Variants in CHPT1 observed in about 807,000 individuals in gnomAD.
CHPT1 encodes the protein choline phosphotransferase 1.
In CHPT1, 36 loss-of-function variants were observed where a neutral mutation model predicts 47.6. The ratio of observed to expected loss-of-function variants is 0.76; its 90% CI spans 0.58 to 1.00. CHPT1 has a LOEUF of 1.00. CHPT1 is among the 50% of genes least tolerant of loss of function. The probability of loss-of-function intolerance (pLI) is 0.00; values close to 1 mark genes in which losing one functional copy is unlikely to be tolerated. For synonymous variants in CHPT1, 194 were observed against 186.3 expected (o/e 1.04, Z -0.33); for missense variants, 458 against 498.1 (o/e 0.92, Z 0.77).
rs1390511140 is a variant in CHPT1 at position 101,723,723 on chromosome 12, T to A, written c.941T>A (p.Val314Glu). The change falls in exon 7 of 9, where the codon GTA (valine) becomes GAA (glutamate). Residue 314 changes from valine (V) to glutamate (E), a missense_variant and splice_region_variant. Coordinates refer to ENST00000229266, the MANE Select transcript of CHPT1 (RefSeq NM_020244.3). ...VFAKVSQKLV[V>E]AHMTKSELYL... is the part of the protein sequence containing the mutation. The stretch of plus-strand genomic sequence containing the variant: ...TTATTTTGTTTAATTTTTTTATAGG[T>A]AGCTCACATGACCAAAAGTGAACTA... The A allele has an allele frequency of 6.5e-7, 1 of 1,533,828 alleles. No individual in the cohort carries two copies. Among genetic ancestry groups the A allele is most frequent in the Non-Finnish European group, 8.8e-7 (1 of 1,137,426 alleles).
rs530145395 is a variant in CHPT1, at chr12:101,711,134, A to G, written c.274-2956A>G. Among the ~76,000 whole-genome samples, 83 of 148,660 alleles carry G rather than the reference A, an allele frequency of 5.6e-4. 7 individuals carry two copies. Among genetic ancestry groups the G allele is most frequent in the African/African-American group, 1.8e-3 (74 of 41,218 alleles). ...ACCTTATATTACACTGTATACAAAA[A>G]TAAACTCAAAATGGATAAAATACCT... On this transcript the variant is annotated intron_variant, in intron 1 of 8. Transcript: ENST00000229266.
chr12:101,720,871 T>A (rs911443260), intron 5 of CHPT1, among the ~76,000 whole-genome samples: 16 of 152,228 alleles, frequency 1.1e-4, no homozygotes, highest in African/African-American at 3.9e-4. Flanking sequence ...GCAAACTTTT[T>A]AAACAAATAT....
At chr12:101,706,361 AAAAG>A (rs1355973392) in intron 1 of CHPT1, among the ~76,000 whole-genome samples, 1 of 151,998 alleles carries the variant, frequency 6.6e-6, no homozygotes, top group Admixed American at 6.5e-5. Context: ...AGAAAAAAAA[AAAAG>A]AAAGAAAAAT....
Position 101,716,717 on chromosome 12 carries a change from T to G in CHPT1, c.564-11T>G, listed in dbSNP as rs1186858046. The G allele has an allele frequency of 6.4e-7, 1 of 1,571,790 alleles. No individual in the cohort carries two copies. Among genetic ancestry groups the G allele is most frequent in the South Asian group, 1.2e-5 (1 of 85,774 alleles). On this transcript the variant is annotated splice_polypyrimidine_tract_variant and intron_variant, in intron 3 of 8. Transcript: ENST00000229266. ...CAAACACCTTATCTATTCTTTGTCCTTCCTCTTTAGAGTGGATGTAACTGA... is the reference window on the plus strand; with the variant it reads ...CAAACACCTTATCTATTCTTTGTCCGTCCTCTTTAGAGTGGATGTAACTGA...
intron 1 of CHPT1, among the ~76,000 whole-genome samples, chr12:101,701,473 A>T (rs1325065660): frequency 2.0e-5 from 3 of 152,204 alleles, no homozygotes. Flanking sequence ...AACCTTATGA[A>T]TAAGGTACTA....
Position 101,726,305 on chromosome 12 carries a change from A to G in CHPT1, c.1077A>G (p.Ser359=). ...TTTTGCTTCTAAAGGTGATTTCTTCATTTGATATGGTGATATACTTTAGTG... is the reference window on the plus strand; with the variant it reads ...TTTTGCTTCTAAAGGTGATTTCTTCGTTTGATATGGTGATATACTTTAGTG... ...VVLWMAMVIS[S]FDMVIYFSAL... The change falls in exon 8 of 9, where the codon TCA becomes TCG. Residue 359 remains serine (S), a synonymous_variant. Coordinates refer to ENST00000229266, the MANE Select transcript of CHPT1 (RefSeq NM_020244.3). The G allele has an allele frequency of 6.2e-7, 1 of 1,606,842 alleles. No homozygotes were observed. The highest frequency in any genetic ancestry group is 8.5e-7 in the Non-Finnish European group (1 of 1,174,800).
intron 5 of CHPT1, among the ~76,000 whole-genome samples, chr12:101,722,707 T>TAAAAAAAAAA (rs10605402): frequency 4.4e-5 from 5 of 113,766 alleles, no homozygotes; most frequent in African/African-American, 1.5e-4. Flanking sequence ...CACAAAAAAT[T>TAAAAAAAAAA]AAAAAAAAAA....
chr12:101,721,145 A>G (rs1345690093), intron 5 of CHPT1, among the ~76,000 whole-genome samples: 1 of 152,134 alleles, frequency 6.6e-6, no homozygotes, highest in African/African-American at 2.4e-5. Context: ...TTAGCTGGGC[A>G]TGGTGGCCAT....
intron 8 of CHPT1, chr12:101,726,640 A>G: frequency 2.0e-6 from 1 of 511,248 alleles, no homozygotes. Flanking sequence ...CATATTAATT[A>G]GAAACAAGAC....
rs145905990 is a variant in CHPT1 at position 101,709,959 on chromosome 12, G to A, written c.274-4131G>A. Among the ~76,000 whole-genome samples the A allele has an allele frequency of 1.5e-3, 221 of 148,858 alleles. 19 individuals are homozygous for A. The highest frequency in any genetic ancestry group is 0.015 in the East Asian group (74 of 5,006). ...CCTTGATGTAAATTATCACTCCTCC[G>A]TATGTTTCACTTTCATCTTTAATAA... On this transcript the variant is annotated intron_variant, in intron 1 of 8. Coordinates refer to ENST00000229266, the MANE Select transcript of CHPT1 (RefSeq NM_020244.3).
intron 4 of CHPT1, chr12:101,717,174 T>C (rs1951776445): frequency 2.5e-6 from 1 of 407,634 alleles, no homozygotes; most frequent in African/African-American, 2.1e-5. Flanking sequence ...ATGTTTTACA[T>C]TTAAAACTTG....
At chr12:101,714,470 A>C in intron 2 of CHPT1, 34 bp from the exon 3 acceptor site, 3 of 1,547,698 alleles carry the variant, frequency 1.9e-6, no homozygotes, top group Non-Finnish European at 2.6e-6. Flanking sequence ...ATTATTTTTA[A>C]TTCTTAATGA....
chr12:101,716,281 A>C (rs1951762108), intron 3 of CHPT1, among the ~76,000 whole-genome samples: 1 of 152,150 alleles, frequency 6.6e-6, no homozygotes, highest in African/African-American at 2.4e-5. Context: ...AATAAAGAAG[A>C]CTATTGGAAT....
chr12:101,711,930 G>A (rs1403080798), intron 1 of CHPT1, among the ~76,000 whole-genome samples: 1 of 148,918 alleles, frequency 6.7e-6, no homozygotes, highest in Non-Finnish European at 1.5e-5. Context: ...CTGTCGTGAT[G>A]ACTGCTTAGT....
intron 7 of CHPT1, among the ~76,000 whole-genome samples, chr12:101,725,369 A>AT (rs1260285838): frequency 1.3e-5 from 2 of 152,120 alleles, no homozygotes; most frequent in Non-Finnish European, 2.9e-5. Flanking sequence ...CACTATAAAT[A>AT]TTTTTAGGGC....
At chr12:101,698,980 C>G (rs1951509057) in intron 1 of CHPT1, among the ~76,000 whole-genome samples, 1 of 152,172 alleles carries the variant, frequency 6.6e-6, no homozygotes, top group African/African-American at 2.4e-5. Flanking sequence ...AGTGAAGTCC[C>G]TTTATAATCA....
Position 101,718,217 on chromosome 12 carries a change from G to A in CHPT1, c.648+1405G>A, listed in dbSNP as rs1016805874. The stretch of plus-strand genomic sequence containing the variant: ...GGTGGCTACATGTCATTATACATTC[G>A]TCATAGCACACAGAATGTGTAACAC... On this transcript the variant is annotated intron_variant, in intron 4 of 8. Coordinates refer to ENST00000229266, the MANE Select transcript of CHPT1 (RefSeq NM_020244.3). 5.4e-4 allele frequency among the ~76,000 whole-genome samples: 82 copies of A among 152,210 alleles called. 2 individuals are homozygous for A. Among genetic ancestry groups the A allele is most frequent in the Middle Eastern group, 3.4e-3 (1 of 292 alleles).
chr12:101,726,562 T>G, intron 8 of CHPT1, 158 bp downstream of exon 8: 1 of 1,122,022 alleles, frequency 8.9e-7, no homozygotes, highest in Non-Finnish European at 1.2e-6. Context: ...TTTCATTGTG[T>G]CTTATTTCAG....
intron 1 of CHPT1, among the ~76,000 whole-genome samples, chr12:101,702,780 A>G (rs939693476): frequency 6.6e-6 from 1 of 152,072 alleles, no homozygotes; most frequent in African/African-American, 2.4e-5. Context: ...TAAGGGCGTG[A>G]CCTCTCTCAT....
Sources: gnomAD v4.1 joint callset for allele counts (sites outside exome capture counted in the v4.1 genomes callset) on GRCh38, gnomAD v4.1.1 for gene constraint, MANE v1.5 for transcripts, NCBI Gene and HGNC (gene_info 2026-07-23, HGNC 2026-07-21) for gene names.